CCSER1: variants seen among roughly 807,000 people sequenced by gnomAD.
CCSER1 encodes coiled-coil serine rich protein 1.
A neutral mutation model predicts 82.0 loss-of-function variants in CCSER1; 41 were observed. That is an observed-to-expected ratio of 0.50 (90% CI 0.39 to 0.65). The LOEUF (loss-of-function observed/expected upper bound fraction) is 0.65. Among genes scored for constraint, CCSER1 ranks in the 30% least tolerant of loss-of-function variants. The pLI, the probability that CCSER1 is intolerant of heterozygous loss-of-function variation, is 0.00. For synonymous variants in CCSER1, 414 were observed against 383.9 expected (o/e 1.08, Z -0.92); for missense variants, 1,119 against 1,064.2 (o/e 1.05, Z -0.72).
At chr4:91,048,368 TCTTTA>T (rs140042126) in intron 9 of CCSER1, among the ~76,000 whole-genome samples, 35,012 of 151,776 alleles carry the variant, frequency 0.23, 4,744 homozygotes, top group Non-Finnish European at 0.3. Flanking sequence ...ATATTTTTCT[TCTTTA>T]CTTTTTGTTC....
In CCSER1 at chr4:90,919,089, TA is replaced by T. The variant is rs71596538; in HGVS notation, c.2095-4257del. Among the ~76,000 whole-genome samples, 721 of 87,194 alleles carry T rather than the reference TA, an allele frequency of 8.3e-3. 6 individuals are homozygous for T. The highest frequency in any genetic ancestry group is 0.031 in the East Asian group (69 of 2,198). 57.2% of individuals were successfully genotyped at this position (87,194 alleles called of 152,430 possible). A position where few individuals can be genotyped will look rare whatever the true frequency, so the allele number is the denominator to read the frequency against. ...AAGTAATCTTAAATTGTTTCCACAG[TA>T]AAAAAAAAAAAAAAAAAAAAAAAGG... On this transcript the variant is annotated intron_variant, in intron 8 of 10. Transcript: ENST00000509176.
chr4:90,831,887 A>G lies in CCSER1; in HGVS notation c.2094+16042A>G, dbSNP rs983161861. ...TCAATATAGCCTTTTTGATATATTCATATGTCTCTCCCTCCTCCAATTTTT... is the reference window on the plus strand; with the variant it reads ...TCAATATAGCCTTTTTGATATATTCGTATGTCTCTCCCTCCTCCAATTTTT... On this transcript the variant is annotated intron_variant, in intron 8 of 10. Coordinates refer to ENST00000509176, the MANE Select transcript of CCSER1 (RefSeq NM_001145065.2). Among the ~76,000 whole-genome samples, 6 of 152,050 alleles carry G rather than the reference A, an allele frequency of 3.9e-5. 1 individual carries two copies. The highest frequency in any genetic ancestry group is 6.6e-5 in the Admixed American group (1 of 15,262).
chr4:90,207,427 T>C (rs2153411443), intron 1 of CCSER1, among the ~76,000 whole-genome samples: 1 of 152,326 alleles, frequency 6.6e-6, no homozygotes. Context: ...CTTCCTTGCA[T>C]TGGGTTAGAA....
intron 9 of CCSER1, among the ~76,000 whole-genome samples, chr4:91,071,910 C>A (rs557813283): frequency 5.7e-4 from 87 of 152,100 alleles, no homozygotes; most frequent in Non-Finnish European, 1.0e-3. Flanking sequence ...GAAAGGGTGT[C>A]TTTGACTTCC....
chr4:90,981,885 TTTC>T (rs1736146874), intron 9 of CCSER1, among the ~76,000 whole-genome samples: 1 of 151,036 alleles, frequency 6.6e-6, no homozygotes, highest in South Asian at 2.1e-4. Flanking sequence ...AAAGCATTTT[TTTC>T]TTAGTCCCAA....
intron 10 of CCSER1, among the ~76,000 whole-genome samples, chr4:91,144,815 GT>G (rs750757372): frequency 2.6e-5 from 4 of 151,744 alleles, no homozygotes; most frequent in Non-Finnish European, 5.9e-5. Flanking sequence ...TTCTACTGTG[GT>G]TCTAGAACAT....
intron 5 of CCSER1, among the ~76,000 whole-genome samples, chr4:90,619,158 C>A (rs1721837718): frequency 6.6e-6 from 1 of 151,824 alleles, no homozygotes; most frequent in Non-Finnish European, 1.5e-5. Context: ...TACAATGGAA[C>A]TGAACTTCTA....
intron 8 of CCSER1, among the ~76,000 whole-genome samples, chr4:90,869,860 T>A (rs1179240834): frequency 1.3e-5 from 2 of 152,008 alleles, no homozygotes; most frequent in Admixed American, 6.6e-5. Context: ...TTCATTTTTT[T>A]GTTTCTTCTT....
At chr4:91,324,914 C>G (rs1021414946) in intron 10 of CCSER1, among the ~76,000 whole-genome samples, 1 of 152,124 alleles carries the variant, frequency 6.6e-6, no homozygotes, top group Non-Finnish European at 1.5e-5. Flanking sequence ...GCTCTGTGTT[C>G]CCACCCAAAT....
At chr4:91,519,441 G>A (rs1326308691) in intron 10 of CCSER1, among the ~76,000 whole-genome samples, 1 of 152,200 alleles carries the variant, frequency 6.6e-6, no homozygotes, top group African/African-American at 2.4e-5. Flanking sequence ...GAGGTGCAGT[G>A]GAATCAAGTC....
At chr4:90,596,637 AAAG>A (rs1370835153) in intron 5 of CCSER1, among the ~76,000 whole-genome samples, 1 of 151,892 alleles carries the variant, frequency 6.6e-6, no homozygotes, top group Non-Finnish European at 1.5e-5. Flanking sequence ...TGAGGAAATA[AAAG>A]AAGGATTCAA....
intron 9 of CCSER1, among the ~76,000 whole-genome samples, chr4:90,956,744 ATTCTT>A (rs1733472269): frequency 6.7e-6 from 1 of 150,040 alleles, no homozygotes. Flanking sequence ...TCCATCTGAT[ATTCTT>A]TTCTTTTCTT....
At chr4:91,457,895 T>G (rs1021388634) in intron 10 of CCSER1, among the ~76,000 whole-genome samples, 1 of 152,178 alleles carries the variant, frequency 6.6e-6, no homozygotes, top group African/African-American at 2.4e-5. Flanking sequence ...AAATTTGATA[T>G]GAAATTATAT....
At chr4:91,172,176 G>C (rs917785544) in intron 10 of CCSER1, among the ~76,000 whole-genome samples, 2 of 152,062 alleles carry the variant, frequency 1.3e-5, no homozygotes, top group Non-Finnish European at 2.9e-5. Context: ...TAATAAATGG[G>C]AGTTTAGAAA....
intron 8 of CCSER1, among the ~76,000 whole-genome samples, chr4:90,912,403 C>T (rs1200285135): frequency 1.3e-5 from 2 of 152,152 alleles, no homozygotes; most frequent in Non-Finnish European, 2.9e-5. Context: ...CTCCAGCAAA[C>T]TCAACAGACC....
At chr4:90,243,658 G>A (rs1720843756) in intron 1 of CCSER1, among the ~76,000 whole-genome samples, 1 of 151,998 alleles carries the variant, frequency 6.6e-6, no homozygotes, top group South Asian at 2.1e-4. Flanking sequence ...AAAGCGCTGG[G>A]GTTACAGACA....
At chr4:90,245,249 A>G (rs1221485961) in intron 1 of CCSER1, among the ~76,000 whole-genome samples, 1 of 152,222 alleles carries the variant, frequency 6.6e-6, no homozygotes, top group Non-Finnish European at 1.5e-5. Context: ...ACAGTTTTTA[A>G]ATTGTGAATG....
intron 3 of CCSER1, among the ~76,000 whole-genome samples, chr4:90,356,337 G>A (rs930279974): frequency 6.6e-6 from 1 of 151,760 alleles, no homozygotes. Flanking sequence ...TTATCTTAAT[G>A]TGATTGCAAT....
intron 1 of CCSER1, among the ~76,000 whole-genome samples, chr4:90,263,988 C>T (rs1349106768): frequency 6.6e-6 from 1 of 152,116 alleles, no homozygotes; most frequent in African/African-American, 2.4e-5. Context: ...AACTTTGCCC[C>T]CACTTGGGGA....
Sources: allele counts gnomAD v4.1 joint callset (sites outside exome capture counted in the v4.1 genomes callset), GRCh38; gene constraint gnomAD v4.1.1; transcripts MANE v1.5; gene names NCBI Gene and HGNC (gene_info 2026-07-23, HGNC 2026-07-21).